CEP128: variants seen among roughly 807,000 people sequenced by gnomAD.
CEP128 encodes the protein centrosomal protein 128kDa.
Under a neutral mutation model 156.7 loss-of-function variants are expected in CEP128, and 132 were observed. The ratio of observed to expected loss-of-function variants is 0.84; its 90% CI spans 0.73 to 0.97. The LOEUF (loss-of-function observed/expected upper bound fraction) is 0.97. Ranked by LOEUF, CEP128 falls within the 50% of genes least tolerant of loss-of-function variation. The probability of loss-of-function intolerance (pLI) is 0.00; values close to 1 mark genes in which losing one functional copy is unlikely to be tolerated. For missense variants in CEP128, 1,252 were observed against 1,281.9 expected (o/e 0.98, Z 0.36); for synonymous variants, 469 against 448.9 (o/e 1.04, Z -0.57).
intron 19 of CEP128, among the ~76,000 whole-genome samples, chr14:80,660,643 C>T (rs1895360475): frequency 6.6e-6 from 1 of 152,156 alleles, no homozygotes; most frequent in Non-Finnish European, 1.5e-5. Context: ...ATATGATTTT[C>T]AGGTACTATG....
At position 80,950,689 on chromosome 14, in the gene CEP128, C is replaced by T. The variant is rs146871027; in HGVS notation, c.-172+7489G>A. 3.9e-5 allele frequency among the ~76,000 whole-genome samples: 6 copies of T among 152,076 alleles called. No individual in the cohort carries two copies. The East Asian group carries it at 1.2e-3, about 29-fold the overall frequency. On this transcript the variant is annotated intron_variant, in intron 2 of 7. Coordinates refer to the CEP128 transcript ENST00000555529. ...CCTAATAAGTGCAATAATTGGAATG[C>T]TCAAGGGAGAGGAAAGTGATAAGGG...
At chr14:80,847,900 A>G (rs1285632379) in intron 9 of CEP128, among the ~76,000 whole-genome samples, 2 of 152,068 alleles carry the variant, frequency 1.3e-5, no homozygotes, top group African/African-American at 2.4e-5. Context: ...ACATGATAGT[A>G]TTGGCCAAAT....
At chr14:80,835,568 TA>T (rs989851637) in intron 12 of CEP128, among the ~76,000 whole-genome samples, 2 of 152,176 alleles carry the variant, frequency 1.3e-5, no homozygotes, top group African/African-American at 2.4e-5. Context: ...ACTCACCTAA[TA>T]GAAACAATTA....
At chr14:80,710,043 C>G (rs1897346873) in intron 19 of CEP128, among the ~76,000 whole-genome samples, 1 of 150,178 alleles carries the variant, frequency 6.7e-6, no homozygotes. Flanking sequence ...GTTTTTGTAC[C>G]CTGGACCTTT....
chr14:80,661,942 T>A (rs779273225), intron 19 of CEP128, among the ~76,000 whole-genome samples: 2 of 152,188 alleles, frequency 1.3e-5, no homozygotes, highest in Non-Finnish European at 2.9e-5. Context: ...ACAGAATACA[T>A]TGAGCTGAAA....
chr14:80,888,580 G>A (rs183181076), intron 8 of CEP128, among the ~76,000 whole-genome samples: 17 of 152,174 alleles, frequency 1.1e-4, no homozygotes, highest in Middle Eastern at 3.4e-3. Context: ...AAATTCAACA[G>A]CGCTTCATGC....
At chr14:80,524,811 C>T (rs1888905175) in intron 23 of CEP128, among the ~76,000 whole-genome samples, 1 of 152,156 alleles carries the variant, frequency 6.6e-6, no homozygotes, top group Non-Finnish European at 1.5e-5. Flanking sequence ...ACAACACCAT[C>T]ATAAAATGTG....
intron 19 of CEP128, among the ~76,000 whole-genome samples, chr14:80,605,938 C>T (rs980112488): frequency 1.3e-5 from 2 of 151,728 alleles, no homozygotes; most frequent in African/African-American, 4.8e-5. Context: ...AAACAGTTTC[C>T]AATAAAATAT....
At chr14:80,609,353 C>A (rs991607569) in intron 19 of CEP128, among the ~76,000 whole-genome samples, 2 of 151,948 alleles carry the variant, frequency 1.3e-5, no homozygotes, top group African/African-American at 4.8e-5. Context: ...TGACTTTGAA[C>A]CTTTTAAAAC....
intron 2 of CEP128, among the ~76,000 whole-genome samples, chr14:80,921,888 G>A (rs1041944079): frequency 6.6e-5 from 10 of 151,620 alleles, no homozygotes; most frequent in South Asian, 2.1e-4. Flanking sequence ...ACTTGAACCC[G>A]GGAGGCGGAG....
At chr14:80,690,643 T>C (rs748272126) in intron 19 of CEP128, among the ~76,000 whole-genome samples, 4 of 152,150 alleles carry the variant, frequency 2.6e-5, no homozygotes, top group Non-Finnish European at 5.9e-5. Context: ...AATTTCAAAA[T>C]AGTGTATAAA....
intron 19 of CEP128, among the ~76,000 whole-genome samples, chr14:80,649,716 G>A (rs1358733558): frequency 6.6e-6 from 1 of 152,058 alleles, no homozygotes; most frequent in Non-Finnish European, 1.5e-5. Context: ...ATTGAGAATG[G>A]ATCTAGTCCT....
intron 18 of CEP128, among the ~76,000 whole-genome samples, chr14:80,751,203 C>T (rs150278159): frequency 1.3e-5 from 2 of 152,288 alleles, no homozygotes; most frequent in Admixed American, 6.5e-5. Context: ...TATAATATGA[C>T]CTATGGCTTC....
At chr14:80,707,710 TCA>T (rs1253423005) in intron 19 of CEP128, among the ~76,000 whole-genome samples, 1 of 152,192 alleles carries the variant, frequency 6.6e-6, no homozygotes. Flanking sequence ...TCCATAAATC[TCA>T]GTTTTCAATA....
At chr14:80,910,368 C>T (rs1423222368) in intron 4 of CEP128, among the ~76,000 whole-genome samples, 26 of 152,190 alleles carry the variant, frequency 1.7e-4, no homozygotes, top group Admixed American at 1.7e-3. Context: ...TGAGAGGTCA[C>T]TGGATCATGG....
In CEP128 at chr14:80,952,613, C is replaced by T. The variant is rs921588095; in HGVS notation, c.-172+5565G>A. On this transcript the variant is annotated intron_variant, in intron 2 of 7. Transcript: ENST00000555529. The stretch of plus-strand genomic sequence containing the variant: ...CCTCACCTTAAGAAGTAAAGAAGAG[C>T]CAATTAAACCCCAAGTAGGCAGAGT... Among the ~76,000 whole-genome samples, 4 of 151,436 alleles carry T rather than the reference C, an allele frequency of 2.6e-5. No homozygotes were observed. The East Asian group carries it at 7.7e-4, about 29-fold the overall frequency.
chr14:80,735,140 A>G (rs1260835467), intron 19 of CEP128, among the ~76,000 whole-genome samples: 1 of 152,020 alleles, frequency 6.6e-6, no homozygotes, highest in Non-Finnish European at 1.5e-5. Flanking sequence ...TTAGATTTCC[A>G]TCGATGTCCA....
In CEP128 at chr14:80,894,628, G is replaced by T. The variant is rs757844099; in HGVS notation, c.645+1090C>A. On this transcript the variant is annotated intron_variant, in intron 8 of 24. Coordinates refer to ENST00000555265, the MANE Select transcript of CEP128 (RefSeq NM_152446.5). ...AATTGGAAAGACGTTGTCTACTTCAGCAGAAGACAGGCATTGTATCTTCAC... is the reference window on the plus strand; with the variant it reads ...AATTGGAAAGACGTTGTCTACTTCATCAGAAGACAGGCATTGTATCTTCAC... The T allele has an allele frequency of 1.5e-5, 7 of 476,298 alleles. No individual in the cohort carries two copies. The East Asian group carries it at 4.0e-4, about 27-fold the overall frequency. The allele number at this position is 476,298 out of a possible 1,614,324, so 29.5% of individuals were successfully genotyped here. A position where few individuals can be genotyped will look rare whatever the true frequency, so the allele number is the denominator to read the frequency against.
chr14:80,592,024 A>G (rs1892094811), intron 19 of CEP128, among the ~76,000 whole-genome samples: 1 of 152,222 alleles, frequency 6.6e-6, no homozygotes, highest in Admixed American at 6.5e-5. Flanking sequence ...AGGGAAATTT[A>G]TAGCACTAAA....
Sources: gnomAD v4.1 joint callset for allele counts (sites outside exome capture counted in the v4.1 genomes callset) on GRCh38, gnomAD v4.1.1 for gene constraint, MANE v1.5 for transcripts, NCBI Gene and HGNC (gene_info 2026-07-23, HGNC 2026-07-21) for gene names.